Variants in CIP2A observed in about 807,000 individuals in gnomAD.
CIP2A encodes cellular inhibitor of PP2A.
In CIP2A, 103 loss-of-function variants were observed where a neutral mutation model predicts 110.9. That is an observed-to-expected ratio of 0.93 (90% confidence interval 0.79 to 1.09). The LOEUF is 1.09. CIP2A is among the 50% of genes least tolerant of loss of function. The pLI is 0.00. For missense variants in CIP2A, 1,088 were observed against 1,038.4 expected (o/e 1.05, Z -0.66); for synonymous variants, 381 against 361.6 (o/e 1.05, Z -0.61).
At chr3:108,580,873 G>T (rs1301053317) in intron 5 of CIP2A, among the ~76,000 whole-genome samples, 1 of 152,100 alleles carries the variant, frequency 6.6e-6, no homozygotes, top group Non-Finnish European at 1.5e-5. Context: ...TGATCTGCCT[G>T]CCTTGGCCTC....
At chr3:108,579,059 A>C (rs1212074900) in intron 7 of CIP2A, among the ~76,000 whole-genome samples, 1 of 152,154 alleles carries the variant, frequency 6.6e-6, no homozygotes, top group Non-Finnish European at 1.5e-5. Flanking sequence ...TATTGATCTA[A>C]AGCAAAGACT....
chr3:108,567,755 C>T (rs901268893), intron 10 of CIP2A, among the ~76,000 whole-genome samples: 6 of 151,712 alleles, frequency 4.0e-5, no homozygotes, highest in African/African-American at 1.5e-4. Flanking sequence ...TCTTTATCCA[C>T]GAATACACAT....
At position 108,553,894 on chromosome 3, in the gene CIP2A, T is replaced by TACAAAAAAAAAAAAAAAAAAAA. The variant is rs1303036231; in HGVS notation, c.2325-165_2325-164insTTTTTTTTTTTTTTTTTTTTGT. On this transcript the variant is annotated intron_variant, in intron 18 of 20. Transcript: ENST00000295746. Reference sequence around the variant, plus strand: ...GGTGAAACCCCGTCTCTACTAAAAATATAAAAAAAAAAAAAAAAAAAAAAA... The same window carrying TACAAAAAAAAAAAAAAAAAAAA: ...GGTGAAACCCCGTCTCTACTAAAAATACAAAAAAAAAAAAAAAAAAAAATAAAAAAAAAAAAAAAAAAAAAAA... 4.7e-3 allele frequency among the ~76,000 whole-genome samples: 233 copies of TACAAAAAAAAAAAAAAAAAAAA among 49,728 alleles called. 104 individuals carry two copies. The highest frequency in any genetic ancestry group is 6.1e-3 in the Non-Finnish European group (154 of 25,128). 32.6% of individuals were successfully genotyped at this position (49,728 alleles called of 152,430 possible). A position where few individuals can be genotyped will look rare whatever the true frequency, so the allele number is the denominator to read the frequency against.
chr3:108,589,286 C>T lies in CIP2A; in HGVS notation c.90G>A (p.Leu30=), dbSNP rs1217715443. 2 of 1,613,838 alleles carry T rather than the reference C, an allele frequency of 1.2e-6. No homozygotes were observed. The highest frequency in any genetic ancestry group is 1.7e-6 in the Non-Finnish European group (2 of 1,179,828). Residue 30 remains leucine, a synonymous_variant, in exon 1 of 21, where the codon TTG becomes TTA. Coordinates refer to ENST00000295746, the MANE Select transcript of CIP2A (RefSeq NM_020890.3). ...CAGAGCCTCTCACCTCCAAGTGCCG[C>T]AAAAGCTGAGTGGCGTTCGCCTCTG... The part of the protein sequence containing the change: ...VKSEANATQL[L]RHLEVISGQK...
chr3:108,588,517 T>G (rs932831837), intron 1 of CIP2A, among the ~76,000 whole-genome samples: 3 of 152,160 alleles, frequency 2.0e-5, no homozygotes, highest in Non-Finnish European at 4.4e-5. Flanking sequence ...TATTTTAAAA[T>G]TATGTTCAAT....
intron 8 of CIP2A, among the ~76,000 whole-genome samples, chr3:108,571,764 G>A (rs1036399687): frequency 1.5e-4 from 23 of 152,236 alleles, no homozygotes; most frequent in African/African-American, 5.3e-4. Flanking sequence ...AATTCTTTGG[G>A]ATAAATACCT....
intron 7 of CIP2A, among the ~76,000 whole-genome samples, chr3:108,577,963 A>G (rs555493079): frequency 1.4e-4 from 22 of 152,292 alleles, no homozygotes; most frequent in African/African-American, 4.8e-4. Context: ...ACAAGTAAAT[A>G]TAAGAGGTCT....
intron 14 of CIP2A, 46 bp from the exon 15 acceptor site, chr3:108,560,074 T>C (rs761309478): frequency 9.2e-7 from 1 of 1,089,334 alleles, no homozygotes; most frequent in South Asian, 1.4e-5. Flanking sequence ...TAAAATATTT[T>C]GACACAATGA....
intron 7 of CIP2A, 88 bp downstream of exon 7, chr3:108,579,193 T>G: frequency 2.0e-6 from 2 of 1,009,946 alleles, no homozygotes; most frequent in Non-Finnish European, 3.0e-6. Flanking sequence ...CCAAGTTTAT[T>G]ATATTTTAAG....
chr3:108,570,557 G>A (rs1938360490), intron 8 of CIP2A, among the ~76,000 whole-genome samples: 1 of 152,060 alleles, frequency 6.6e-6, no homozygotes, highest in Non-Finnish European at 1.5e-5. Context: ...GAATATTACT[G>A]TACTAAATAC....
chr3:108,582,184 T>G lies in CIP2A; in HGVS notation c.376A>C (p.Lys126Gln), dbSNP rs1043412332. The change falls in exon 4 of 21, where the codon AAG becomes CAG. Residue 126 changes from lysine (K) to glutamine (Q), a missense_variant. By Grantham distance (53) the Lys-to-Gln change is moderately conservative. Transcript: ENST00000295746. Reference sequence around the variant, plus strand: ...AAAATTTTGACATTATATGTTAACTTCTGTAGAAGTTGAATGCACTGAGAA... The same window carrying G: ...AAAATTTTGACATTATATGTTAACTGCTGTAGAAGTTGAATGCACTGAGAA... ...VFLQCIQLLQ[K>Q]LTYNVKIFYS... 9.9e-6 allele frequency: 14 copies of G among 1,415,904 alleles called. No homozygotes were observed. In the African/African-American group the frequency reaches 2.0e-4, roughly 20 times the overall value. 87.7% of individuals were successfully genotyped at this position (1,415,904 alleles called of 1,614,324 possible).
chr3:108,581,627 CACGCAAAAAAAAAA>C, intron 4 of CIP2A, 116 bp from the exon 5 acceptor site: 1 of 609,024 alleles, frequency 1.6e-6, no homozygotes, highest in East Asian at 2.8e-5. Flanking sequence ...TTCCCTTTTA[CACGCAAAAAAAAAA>C]ACTAATTAAC....
chr3:108,558,751 G>A (rs1191775938), intron 16 of CIP2A, among the ~76,000 whole-genome samples: 1 of 152,140 alleles, frequency 6.6e-6, no homozygotes, highest in Non-Finnish European at 1.5e-5. Context: ...AGGAAATGGT[G>A]TTCCAGACAT....
intron 8 of CIP2A, among the ~76,000 whole-genome samples, chr3:108,575,446 A>ACG (rs1258905471): frequency 7.6e-6 from 1 of 131,136 alleles, no homozygotes; most frequent in Non-Finnish European, 1.7e-5. Context: ...ATACATATAT[A>ACG]CATATACATG....
chr3:108,575,439 CATAT>C (rs755989100), intron 8 of CIP2A, among the ~76,000 whole-genome samples: 8 of 146,142 alleles, frequency 5.5e-5, no homozygotes, highest in East Asian at 4.1e-4. Context: ...CATACACATA[CATAT>C]ATACATATAC....
At chr3:108,576,176 G>A in intron 8 of CIP2A, 95 bp downstream of exon 8, 1 of 671,302 alleles carries the variant, frequency 1.5e-6, no homozygotes. Flanking sequence ...ACAGAAATCT[G>A]TGCATTTGGA....
Position 108,569,476 on chromosome 3 carries a change from C to T in CIP2A, c.1026G>A (p.Val342=). The change falls in exon 9 of 21, where the codon GTG becomes GTA. Residue 342 remains valine (V), a synonymous_variant. Transcript: ENST00000295746. ...GSHTKCLEPT[V]ALLRWLSQPL... ...GTTGGCTTAACCAGCGCAGTAGAGCCACAGTAGGTTCTAAACATTTAGTAT... is the reference window on the plus strand; with the variant it reads ...GTTGGCTTAACCAGCGCAGTAGAGCTACAGTAGGTTCTAAACATTTAGTAT... The T allele has an allele frequency of 6.2e-7, 1 of 1,612,772 alleles. No homozygotes were observed. Among genetic ancestry groups the T allele is most frequent in the African/African-American group, 1.3e-5 (1 of 74,890 alleles).
chr3:108,559,029 G>A (rs932727725), intron 16 of CIP2A, among the ~76,000 whole-genome samples: 1 of 152,128 alleles, frequency 6.6e-6, no homozygotes, highest in Non-Finnish European at 1.5e-5. Context: ...GGTGAAGGGG[G>A]TAGAACCAAG....
In CIP2A at chr3:108,581,833, T is replaced by C. The variant is rs931818645; in HGVS notation, c.452+275A>G. Among the ~76,000 whole-genome samples the C allele has an allele frequency of 3.5e-4, 53 of 152,308 alleles. 1 individual carries two copies. Among genetic ancestry groups the C allele is most frequent in the Admixed American group, 3.1e-3 (47 of 15,304 alleles). The stretch of plus-strand genomic sequence containing the variant: ...ATTTTCAATTTCAGTAATTTTTTTC[T>C]GGCCAAATCAATTCAGTCCATAAAT... On this transcript the variant is annotated intron_variant, in intron 4 of 20. Coordinates refer to ENST00000295746, the MANE Select transcript of CIP2A (RefSeq NM_020890.3).
Sources: allele counts gnomAD v4.1 joint callset (sites outside exome capture counted in the v4.1 genomes callset), GRCh38; gene constraint gnomAD v4.1.1; transcripts MANE v1.5; gene names NCBI Gene and HGNC (gene_info 2026-07-23, HGNC 2026-07-21).